The following HYAL4 variants were observed in gnomAD, a reference collection of about 807,000 sequenced individuals.
HYAL4 encodes hyaluronidase-4.
HYAL4 carries 37 observed loss-of-function variants against 35.2 expected under a neutral mutation model. The ratio of observed to expected loss-of-function variants is 1.05; its 90% CI spans 0.81 to 1.38. The LOEUF (loss-of-function observed/expected upper bound fraction) is 1.38. Ranked by LOEUF, HYAL4 falls within the 40% of genes most tolerant of loss-of-function variation. The probability of loss-of-function intolerance (pLI) is 0.00; values close to 1 mark genes in which losing one functional copy is unlikely to be tolerated. For synonymous variants in HYAL4, 198 were observed against 203.2 expected, an observed-to-expected ratio of 0.97 and a Z score of 0.22; for missense variants, 572 against 572.4, an observed-to-expected ratio of 1.00 and a Z score of 0.01.
At chr7:123,806,604 C>T in the HYAL4 span, among the ~76,000 whole-genome samples, 1 of 151,792 alleles carries the variant, frequency 6.6e-6, no homozygotes, top group African/African-American at 2.4e-5. Flanking sequence ...CCACCACGCC[C>T]AAGTAATTTT....
At chr7:123,876,726 T>TAAAATTGA in intron 4 of HYAL4, 28 bp from the exon 5 acceptor site, 1 of 1,598,050 alleles carries the variant, frequency 6.3e-7, no homozygotes, top group African/African-American at 1.3e-5. Context: ...GAGAACACAC[T>TAAAATTGA]AAAATTGATT....
In HYAL4 at chr7:123,868,749, CA is replaced by C; in HGVS notation, c.480del (p.Asp161MetfsTer26). ...WRPQWARNWN[S>X]KDVYRQKSRK... ...CCACAGTGGGCCCGGAACTGGAACT[CA>C]AAAGATGTTTACAGACAGAAGTCAA... is the stretch of plus-strand genomic sequence containing the variant. On this transcript the variant is annotated frameshift_variant, in exon 3 of 5. Coordinates refer to ENST00000223026, the MANE Select transcript of HYAL4 (RefSeq NM_012269.3). LOFTEE classifies it high-confidence loss of function. The C allele has an allele frequency of 6.2e-7, 1 of 1,613,996 alleles. No homozygotes were observed. Among genetic ancestry groups the C allele is most frequent in the Non-Finnish European group, 8.5e-7 (1 of 1,179,994 alleles).
chr7:123,815,652 T>C, the HYAL4 span, among the ~76,000 whole-genome samples: 1 of 152,156 alleles, frequency 6.6e-6, no homozygotes. Context: ...GTTTAGAAGA[T>C]AATAAGTTTG....
chr7:123,861,774 G>C (rs890565727), intron 2 of HYAL4, among the ~76,000 whole-genome samples: 3 of 152,066 alleles, frequency 2.0e-5, no homozygotes, highest in Non-Finnish European at 4.4e-5. Flanking sequence ...AGATAGTATA[G>C]GAGTTCTAAA....
At chr7:123,799,902 T>G in the HYAL4 span, among the ~76,000 whole-genome samples, 1 of 152,050 alleles carries the variant, frequency 6.6e-6, no homozygotes, top group African/African-American at 2.4e-5. Flanking sequence ...AGCTCACGCC[T>G]GTAATCCCAG....
the HYAL4 span, among the ~76,000 whole-genome samples, chr7:123,765,203 T>TA: frequency 1.1e-4 from 16 of 152,000 alleles, no homozygotes; most frequent in Admixed American, 4.6e-4. Flanking sequence ...CAGTGATAAA[T>TA]AAAAAAAATT....
chr7:123,874,547 C>T (rs967371862), intron 3 of HYAL4, among the ~76,000 whole-genome samples: 1 of 152,080 alleles, frequency 6.6e-6, no homozygotes, highest in Non-Finnish European at 1.5e-5. Context: ...GGATTATAGG[C>T]GCCCACCACC....
intron 2 of HYAL4, among the ~76,000 whole-genome samples, chr7:123,860,572 C>T (rs1765491136): frequency 1.3e-5 from 2 of 152,190 alleles, no homozygotes; most frequent in Non-Finnish European, 2.9e-5. Flanking sequence ...GAAGAAACCT[C>T]ATTCTTTGTT....
chr7:123,769,095 C>T, the HYAL4 span, among the ~76,000 whole-genome samples: 3 of 152,152 alleles, frequency 2.0e-5, no homozygotes, highest in African/African-American at 7.2e-5. Flanking sequence ...GGGAGAGAAA[C>T]ACAAGTGAGT....
chr7:123,772,750 A>G, the HYAL4 span, among the ~76,000 whole-genome samples: 6 of 152,204 alleles, frequency 3.9e-5, no homozygotes, highest in Non-Finnish European at 5.9e-5. Context: ...ATTATAGAAA[A>G]TTGTCTTAAA....
intron 2 of HYAL4, among the ~76,000 whole-genome samples, chr7:123,857,681 C>G (rs13239213): frequency 0.19 from 19,727 of 101,850 alleles, 1,498 homozygotes; most frequent in Non-Finnish European, 0.2. Flanking sequence ...TTCTTTCTTT[C>G]TTTCTTTCTT....
rs1806775922 is a variant in HYAL4 at position 123,868,699 on chromosome 7, T to C, written c.426T>C (p.Ala142=). ...YIPAEDFSGL[A]VIDWEYWRPQ... is the part of the protein sequence containing the mutation. ...CTGCTGAAGATTTCAGTGGACTTGC[T>C]GTTATAGATTGGGAATATTGGCGAC... Residue 142 remains alanine (A), a synonymous_variant, in exon 3 of 5, where the codon GCT becomes GCC. Transcript: ENST00000223026. 6.2e-7 allele frequency: 1 copy of C among 1,613,640 alleles called. No individual in the cohort carries two copies. Among genetic ancestry groups the C allele is most frequent in the African/African-American group, 1.3e-5 (1 of 74,896 alleles).
chr7:123,784,048 A>G, the HYAL4 span, among the ~76,000 whole-genome samples: 3 of 152,356 alleles, frequency 2.0e-5, no homozygotes, highest in Admixed American at 6.5e-5. Context: ...GTGTGTGTTC[A>G]TGTAACAGCA....
chr7:123,871,411 C>T (rs1366927106), intron 3 of HYAL4, among the ~76,000 whole-genome samples: 2 of 151,942 alleles, frequency 1.3e-5, no homozygotes, highest in Admixed American at 6.6e-5. Flanking sequence ...AGGCTGGTTT[C>T]GAACTCCTGA....
the HYAL4 span, among the ~76,000 whole-genome samples, chr7:123,799,215 CTCTT>C: frequency 0.099 from 15,098 of 151,980 alleles, 819 homozygotes; most frequent in East Asian, 0.15. Flanking sequence ...GTATTTTCCT[CTCTT>C]TCTTCTCCTT....
chr7:123,814,928 G>C, the HYAL4 span: 1 of 152,612 alleles, frequency 6.6e-6, no homozygotes, highest in African/African-American at 2.4e-5. Flanking sequence ...TATCGAGTTA[G>C]AGAAGCCATG....
intron 1 of HYAL4, among the ~76,000 whole-genome samples, chr7:123,832,810 A>G (rs1325121757): frequency 2.0e-5 from 3 of 151,966 alleles, no homozygotes; most frequent in African/African-American, 4.8e-5. Flanking sequence ...ATACCTTTGC[A>G]TACTCATAGC....
intron 1 of HYAL4, among the ~76,000 whole-genome samples, chr7:123,829,987 T>G (rs962228571): frequency 6.6e-5 from 10 of 152,170 alleles, no homozygotes; most frequent in Non-Finnish European, 1.3e-4. Context: ...TGAGATGTCT[T>G]GAAGGCAGGA....
chr7:123,806,496 T>C, the HYAL4 span, among the ~76,000 whole-genome samples: 1 of 151,910 alleles, frequency 6.6e-6, no homozygotes, highest in Non-Finnish European at 1.5e-5. Context: ...CAGCCTGGAG[T>C]GCAATGGTGG....
Sources: allele counts gnomAD v4.1 joint callset (sites outside exome capture counted in the v4.1 genomes callset), GRCh38; gene constraint gnomAD v4.1.1; transcripts MANE v1.5; gene names NCBI Gene and HGNC (gene_info 2026-07-23, HGNC 2026-07-21).